The following DRAXIN variants were observed in gnomAD, a reference collection of about 807,000 sequenced individuals.
DRAXIN encodes dorsal repulsive axon guidance protein.
A neutral mutation model predicts 33.9 loss-of-function variants in DRAXIN; 27 were observed. The ratio of observed to expected loss-of-function variants is 0.80; its 90% CI spans 0.59 to 1.10. The LOEUF is 1.10. Ranked by LOEUF, DRAXIN falls within the 50% of genes least tolerant of loss-of-function variation. The pLI, the probability that DRAXIN is intolerant of heterozygous loss-of-function variation, is 0.00. For missense variants in DRAXIN, 371 were observed against 460.8 expected, an observed-to-expected ratio of 0.81 and a Z score of 1.78; for synonymous variants, 178 against 194.0, an observed-to-expected ratio of 0.92 and a Z score of 0.69.
At chr1:11,689,881 T>TCACCTCACTCTGTTC (rs1281384760), upstream of DRAXIN, among the ~76,000 whole-genome samples, 2 of 151,924 alleles carry the variant, frequency 1.3e-5, no homozygotes, top group Non-Finnish European at 2.9e-5. Flanking sequence ...CTGTCTGATG[T>TCACCTCACTCTGTTC]CACCTCACTC....
chr1:11,712,525 C>T (rs1641510473), intron 5 of DRAXIN, 96 bp downstream of exon 5: 1 of 1,215,724 alleles, frequency 8.2e-7, no homozygotes, highest in African/African-American at 1.5e-5. Flanking sequence ...ACCTGAGAAT[C>T]CTTGACCCTT....
At chr1:11,688,956 ACAAATGCCATGGCAACATCAG>A (rs1641010567), upstream of DRAXIN, among the ~76,000 whole-genome samples, 1 of 152,216 alleles carries the variant, frequency 6.6e-6, no homozygotes, top group South Asian at 2.1e-4. The surrounding 1 kb of genome is among the most constrained non-coding windows in gnomAD (Gnocchi z 4.6). Flanking sequence ...ATGGCAGTTT[ACAAATGCCATGGCAACATCAG>A]GACGTTACCC....
chr1:11,698,852 C>T (rs930715242), intron 1 of DRAXIN, among the ~76,000 whole-genome samples: 1 of 152,156 alleles, frequency 6.6e-6, no homozygotes, highest in African/African-American at 2.4e-5. Flanking sequence ...AAGACTCTGT[C>T]TACAAACAAA....
intron 1 of DRAXIN, among the ~76,000 whole-genome samples, chr1:11,702,243 TCTCA>T (rs1457568740): frequency 1.5e-5 from 2 of 130,714 alleles, no homozygotes; most frequent in Non-Finnish European, 3.4e-5. Context: ...ACATACACGC[TCTCA>T]CACACACATG....
intron 2 of DRAXIN, among the ~76,000 whole-genome samples, chr1:11,709,041 A>G (rs1557690874): frequency 6.6e-6 from 1 of 152,170 alleles, no homozygotes; most frequent in Non-Finnish European, 1.5e-5. Flanking sequence ...TTACAGGGAG[A>G]ATCCTTGGAC....
At chr1:11,708,466 C>T (rs1407231338) in intron 2 of DRAXIN, among the ~76,000 whole-genome samples, 1 of 152,158 alleles carries the variant, frequency 6.6e-6, no homozygotes, top group Non-Finnish European at 1.5e-5. Context: ...CAAAAATTAG[C>T]CAGGTGTGGT....
intron 6 of DRAXIN, among the ~76,000 whole-genome samples, chr1:11,718,156 A>T (rs1200151766): frequency 6.6e-6 from 1 of 150,516 alleles, no homozygotes; most frequent in Admixed American, 6.6e-5. Context: ...AAAAAAAAAA[A>T]AAATACAAAA....
chr1:11,709,489 G>C lies in DRAXIN; in HGVS notation c.642+24G>C, dbSNP rs1012546476. 5.0e-6 allele frequency: 8 copies of C among 1,600,056 alleles called. No individual in the cohort carries two copies. In the African/African-American group the frequency reaches 1.1e-4, roughly 21 times the overall value. On this transcript the variant is annotated intron_variant, in intron 3 of 6. Transcript: ENST00000294485. ...AGGTAAGGGGTCCCCAAACAGCCTCGGATCTGGAAGGGTCCTTGAGCCCAT... is the reference window on the plus strand; with the variant it reads ...AGGTAAGGGGTCCCCAAACAGCCTCCGATCTGGAAGGGTCCTTGAGCCCAT...
chr1:11,687,788 C>A (rs1359262815), upstream of DRAXIN, among the ~76,000 whole-genome samples: 1 of 152,220 alleles, frequency 6.6e-6, no homozygotes, highest in East Asian at 1.9e-4. This position sits in a 1 kb window ranked among gnomAD's most constrained non-coding sequence, Gnocchi z 4.1. Flanking sequence ...CAGGTCGAAT[C>A]ACATATTGAT....
At chr1:11,709,668 T>A (rs929823104) in intron 3 of DRAXIN, among the ~76,000 whole-genome samples, 2 of 152,192 alleles carry the variant, frequency 1.3e-5, no homozygotes, top group African/African-American at 4.8e-5. Context: ...TCTGCCACTG[T>A]CCAGGGCAAA....
At chr1:11,695,554 A>G (rs1321320383) in intron 1 of DRAXIN, among the ~76,000 whole-genome samples, 3 of 151,576 alleles carry the variant, frequency 2.0e-5, no homozygotes, top group Non-Finnish European at 4.4e-5. Flanking sequence ...GTGAGCTGAG[A>G]TTGCACCACT....
At position 11,705,358 on chromosome 1, in the gene DRAXIN, T is replaced by C. The variant is rs1641362498; in HGVS notation, c.-10-891T>C. On this transcript the variant is annotated intron_variant, in intron 1 of 6. Coordinates refer to ENST00000294485, the MANE Select transcript of DRAXIN (RefSeq NM_198545.4). The surrounding 1 kb of genome is among the most constrained non-coding windows in gnomAD (Gnocchi z 4.8). ...CCACCATCCCCTGAGCTGCAGCTTC[T>C]CCCTCCAGTGTGGAGGGAGGGCACT... Among the ~76,000 whole-genome samples the C allele has an allele frequency of 6.6e-6, 1 of 151,978 alleles. No homozygotes were observed. The highest frequency in any genetic ancestry group is 2.1e-4 in the South Asian group (1 of 4,818).
chr1:11,693,118 C>G (rs1641111251), intron 1 of DRAXIN, among the ~76,000 whole-genome samples: 1 of 152,072 alleles, frequency 6.6e-6, no homozygotes. Context: ...CCCATACAGG[C>G]GTCCACACCC....
Position 11,706,265 on chromosome 1 carries a change from G to A in DRAXIN, c.7G>A (p.Gly3Arg), listed in dbSNP as rs757758639. 1.3e-6 allele frequency: 2 copies of A among 1,589,020 alleles called. No homozygotes were observed. Among genetic ancestry groups the A allele is most frequent in the East Asian group, 2.2e-5 (1 of 44,474 alleles). Residue 3 changes from glycine to arginine, a missense_variant, in exon 2 of 7, where the codon GGG becomes AGG. Physicochemically the swap from Gly to Arg is moderately radical, Grantham distance 125 (BLOSUM62 -2). Coordinates refer to ENST00000294485, the MANE Select transcript of DRAXIN (RefSeq NM_198545.4). The surrounding 1 kb of genome is among the most constrained non-coding windows in gnomAD (Gnocchi z 5.5). ...TTCTTGCAGGGAGGAGCCAATGGCT[G>A]GGCCTGCCATCCACACCGCTCCCAT... The part of the protein sequence containing the change: MA[G>R]PAIHTAPMLF...
At position 11,694,910 on chromosome 1, in the gene DRAXIN, T is replaced by TTC. The variant is rs1484183426; in HGVS notation, c.-11+3061_-11+3062dup. ...CCCACCCATGCCCCAACACCAAGAC[T>TTC]TCTCTTGATGGGATGGGGTTGAAGG... On this transcript the variant is annotated intron_variant, in intron 1 of 6. Coordinates refer to ENST00000294485, the MANE Select transcript of DRAXIN (RefSeq NM_198545.4). The surrounding 1 kb of genome is among the most constrained non-coding windows in gnomAD (Gnocchi z 4.9). Among the ~76,000 whole-genome samples the TTC allele has an allele frequency of 6.6e-6, 1 of 152,084 alleles. No individual in the cohort carries two copies. Among genetic ancestry groups the TTC allele is most frequent in the Non-Finnish European group, 1.5e-5 (1 of 68,010 alleles).
chr1:11,700,368 G>A (rs1039837154), intron 1 of DRAXIN, among the ~76,000 whole-genome samples: 3 of 152,188 alleles, frequency 2.0e-5, no homozygotes, highest in Non-Finnish European at 4.4e-5. Flanking sequence ...GATTATTCAC[G>A]TTCAGAAAAT....
At chr1:11,698,212 T>C (rs193231435) in intron 1 of DRAXIN, among the ~76,000 whole-genome samples, 30 of 152,304 alleles carry the variant, frequency 2.0e-4, no homozygotes, top group Non-Finnish European at 3.5e-4. Flanking sequence ...CACTCTCGTT[T>C]CAAATTACCT....
intron 6 of DRAXIN, among the ~76,000 whole-genome samples, chr1:11,716,282 T>C (rs1641576483): frequency 6.6e-6 from 1 of 152,240 alleles, no homozygotes; most frequent in Admixed American, 6.5e-5. Flanking sequence ...GGCCAATCTG[T>C]GTCTATCATC....
At chr1:11,702,735 G>A (rs1641316179) in intron 1 of DRAXIN, among the ~76,000 whole-genome samples, 1 of 149,112 alleles carries the variant, frequency 6.7e-6, no homozygotes. Context: ...ATCTTCTGCC[G>A]AGGTATGAAT....
Sources: allele counts gnomAD v4.1 joint callset (sites outside exome capture counted in the v4.1 genomes callset), GRCh38; gene constraint gnomAD v4.1.1; non-coding constraint Gnocchi (gnomAD v3.1); transcripts MANE v1.5; gene names NCBI Gene and HGNC (gene_info 2026-07-23, HGNC 2026-07-21).